Variants in SUMF1 observed in about 807,000 individuals in gnomAD.
The protein encoded by SUMF1 is formylglycine-generating enzyme.
A neutral mutation model predicts 47.6 loss-of-function variants in SUMF1; 48 were observed. The ratio of observed to expected loss-of-function variants is 1.01; its 90% CI spans 0.80 to 1.28. The LOEUF is 1.28. Ranked by LOEUF, SUMF1 falls within the 50% of genes most tolerant of loss-of-function variation. The pLI is 0.00. For missense variants in SUMF1, 571 were observed against 485.4 expected (o/e 1.18, Z -1.66); for synonymous variants, 230 against 192.1 (o/e 1.20, Z -1.63).
chr3:4,050,320 A>AATAAATAAATAG (rs1410249908), intron 9 of SUMF1, among the ~76,000 whole-genome samples: 4 of 151,932 alleles, frequency 2.6e-5, no homozygotes, highest in Non-Finnish European at 5.9e-5. Context: ...TCTCCAAGGC[A>AATAAATAAATAG]ATCTATTGTT....
intron 7 of SUMF1, among the ~76,000 whole-genome samples, chr3:4,391,103 G>T (rs1053551959): frequency 6.6e-6 from 1 of 152,034 alleles, no homozygotes; most frequent in African/African-American, 2.4e-5. Flanking sequence ...TCATCCTCTG[G>T]TCTCCACTGT....
At chr3:4,046,782 T>C (rs1300229874) in intron 9 of SUMF1, among the ~76,000 whole-genome samples, 1 of 152,156 alleles carries the variant, frequency 6.6e-6, no homozygotes, top group Non-Finnish European at 1.5e-5. Flanking sequence ...TGTCTCTCTG[T>C]TTCTATTCTC....
At chr3:4,122,742 T>A (rs988343848) in intron 8 of SUMF1, among the ~76,000 whole-genome samples, 7 of 152,176 alleles carry the variant, frequency 4.6e-5, no homozygotes, top group African/African-American at 1.7e-4. Context: ...GTGGCTGTGA[T>A]GTGGTTAACT....
intron 1 of SUMF1, among the ~76,000 whole-genome samples, chr3:4,464,347 G>C (rs998059115): frequency 1.3e-5 from 2 of 151,656 alleles, no homozygotes; most frequent in African/African-American, 4.9e-5. Flanking sequence ...AGGTACTCTG[G>C]ACATATCCCT....
chr3:4,315,041 G>A (rs181689345), intron 8 of SUMF1, among the ~76,000 whole-genome samples: 178 of 152,188 alleles, frequency 1.2e-3, no homozygotes, highest in South Asian at 2.3e-3. Context: ...GTATCTTAGG[G>A]TTTATAATGT....
chr3:4,174,356 C>CA (rs547741138), intron 8 of SUMF1, among the ~76,000 whole-genome samples: 6,106 of 112,394 alleles, frequency 0.054, 491 homozygotes, highest in African/African-American at 0.19. Context: ...ACTCCGTCTC[C>CA]AAAAAAAAAA....
rs149425746 is a variant in SUMF1 at position 4,449,279 on chromosome 3, T to C, written c.506A>G (p.Asn169Ser). The change falls in exon 3 of 9, where the codon AAT becomes AGT. Residue 169 changes from asparagine (N) to serine (S), a missense_variant. Coordinates refer to ENST00000272902, the MANE Select transcript of SUMF1 (RefSeq NM_182760.4). ...AACATTACTTACTGCCTGTTGAATATTGGTCTTCACTTGCTCACTCAACAT... is the reference window on the plus strand; with the variant it reads ...AACATTACTTACTGCCTGTTGAATACTGGTCTTCACTTGCTCACTCAACAT... ...EGMLSEQVKT[N>S]IQQAVAAAPW... is the part of the protein sequence containing the mutation. The C allele has an allele frequency of 2.5e-6, 4 of 1,614,054 alleles. No individual in the cohort carries two copies. The highest frequency in any genetic ancestry group is 2.5e-6 in the Non-Finnish European group (3 of 1,180,014).
chr3:4,465,910 C>G (rs2079932029), intron 1 of SUMF1, among the ~76,000 whole-genome samples: 1 of 152,240 alleles, frequency 6.6e-6, no homozygotes, highest in African/African-American at 2.4e-5. Context: ...GATGTTACCT[C>G]TCACCTAAGT....
chr3:4,384,447 TG>T (rs1310335303), intron 7 of SUMF1, among the ~76,000 whole-genome samples: 1 of 152,174 alleles, frequency 6.6e-6, no homozygotes, highest in African/African-American at 2.4e-5. Context: ...TCCCTTACGT[TG>T]CCCTTTTATA....
At chr3:4,199,831 G>A (rs773818125) in intron 8 of SUMF1, among the ~76,000 whole-genome samples, 1 of 151,966 alleles carries the variant, frequency 6.6e-6, no homozygotes, top group African/African-American at 2.4e-5. Flanking sequence ...GAATCTTCAG[G>A]TTATTTAATT....
At chr3:4,167,979 T>C (rs374346509) in intron 8 of SUMF1, among the ~76,000 whole-genome samples, 1 of 152,146 alleles carries the variant, frequency 6.6e-6, no homozygotes, top group Non-Finnish European at 1.5e-5. Flanking sequence ...TAGAGAGCCA[T>C]AGTCTTATCC....
chr3:4,263,846 T>C (rs1216794709), intron 8 of SUMF1, among the ~76,000 whole-genome samples: 2 of 152,208 alleles, frequency 1.3e-5, no homozygotes, highest in Admixed American at 1.3e-4. Context: ...TACATATTTA[T>C]AATCTCTTTC....
chr3:4,289,908 A>G (rs965641196), intron 8 of SUMF1, among the ~76,000 whole-genome samples: 2 of 152,244 alleles, frequency 1.3e-5, no homozygotes, highest in Non-Finnish European at 2.9e-5. Context: ...AAATTGTGTT[A>G]TCAACAAAAA....
chr3:4,290,952 A>G (rs746855043), intron 8 of SUMF1, among the ~76,000 whole-genome samples: 1 of 152,194 alleles, frequency 6.6e-6, no homozygotes, highest in Non-Finnish European at 1.5e-5. Context: ...GAACACTTGT[A>G]AAACTTTGTT....
At chr3:4,201,103 C>T (rs949789318) in intron 8 of SUMF1, among the ~76,000 whole-genome samples, 7 of 152,004 alleles carry the variant, frequency 4.6e-5, no homozygotes, top group African/African-American at 1.7e-4. Flanking sequence ...ATGGGGTATC[C>T]ATCACCTCAT....
chr3:4,460,515 A>G (rs1382682400), intron 1 of SUMF1, among the ~76,000 whole-genome samples: 1 of 151,626 alleles, frequency 6.6e-6, no homozygotes, highest in Non-Finnish European at 1.5e-5. Context: ...CTCTTGGTAA[A>G]TATTGTCATG....
chr3:4,348,245 G>A (rs1030871476), intron 8 of SUMF1, among the ~76,000 whole-genome samples: 2 of 152,158 alleles, frequency 1.3e-5, no homozygotes, highest in African/African-American at 2.4e-5. Flanking sequence ...AAAGAACAAA[G>A]CTGGAGGCAT....
intron 8 of SUMF1, among the ~76,000 whole-genome samples, chr3:4,215,917 C>T (rs1280796583): frequency 6.6e-6 from 1 of 152,130 alleles, no homozygotes; most frequent in Non-Finnish European, 1.5e-5. Context: ...AAAAACATTC[C>T]ATGCTCATGG....
At chr3:4,108,269 G>C (rs926472553) in intron 8 of SUMF1, among the ~76,000 whole-genome samples, 10 of 152,120 alleles carry the variant, frequency 6.6e-5, no homozygotes, top group African/African-American at 2.4e-4. Context: ...GTTCTAGTTT[G>C]ACTGAGCTGT....
Sources: gnomAD v4.1 joint callset for allele counts (sites outside exome capture counted in the v4.1 genomes callset) on GRCh38, gnomAD v4.1.1 for gene constraint, MANE v1.5 for transcripts, NCBI Gene and HGNC (gene_info 2026-07-23, HGNC 2026-07-21) for gene names.